The following KAZN variants were observed in gnomAD, a reference collection of about 807,000 sequenced individuals.
The protein encoded by KAZN is kazrin, periplakin interacting protein, also known as kazrin.
A neutral mutation model predicts 87.4 loss-of-function variants in KAZN; 40 were observed. The ratio of observed to expected loss-of-function variants is 0.46; its 90% confidence interval spans 0.36 to 0.60. The LOEUF (loss-of-function observed/expected upper bound fraction) is 0.60. Among genes scored for constraint, KAZN ranks in the 20% least tolerant of loss-of-function variants. The pLI is 0.00. For synonymous variants in KAZN, 466 were observed against 458.3 expected, an observed-to-expected ratio of 1.02 and a Z score of -0.22; for missense variants, 898 against 1,073.9, an observed-to-expected ratio of 0.84 and a Z score of 2.29.
At chr1:14,232,612 A>G (rs4565709) in intron 2 of KAZN, among the ~76,000 whole-genome samples, 45,459 of 151,956 alleles carry the variant, frequency 0.3, 6,933 homozygotes, top group East Asian at 0.47. Flanking sequence ...CTGAGATACA[A>G]TGGTTTCTTC....
chr1:14,256,553 C>A (rs577370668), intron 2 of KAZN, among the ~76,000 whole-genome samples: 1 of 151,848 alleles, frequency 6.6e-6, no homozygotes, highest in Non-Finnish European at 1.5e-5. Flanking sequence ...TTCACCTGTC[C>A]CCTGAGGTCT....
intron 1 of KAZN, among the ~76,000 whole-genome samples, chr1:13,899,915 G>A (rs542182202): frequency 1.6e-4 from 25 of 152,014 alleles, no homozygotes; most frequent in South Asian, 4.2e-4. Flanking sequence ...AAGTGTGCCC[G>A]GCCTATCTTG....
chr1:14,924,705 G>A (rs945906528), intron 1 of KAZN: 2 of 376,386 alleles, frequency 5.3e-6, no homozygotes, highest in Non-Finnish European at 7.4e-6. Flanking sequence ...AGCGCGCGGA[G>A]CCCCGAGCCC....
At chr1:14,072,778 A>G (rs1190758445) in intron 1 of KAZN, among the ~76,000 whole-genome samples, 2 of 152,132 alleles carry the variant, frequency 1.3e-5, no homozygotes, top group East Asian at 3.9e-4. Context: ...TGGAACAATG[A>G]CACCTCCCTC....
chr1:14,329,199 A>G (rs1270831231), intron 2 of KAZN, among the ~76,000 whole-genome samples: 3 of 152,124 alleles, frequency 2.0e-5, no homozygotes, highest in Admixed American at 6.5e-5. Flanking sequence ...AGAAAATGAG[A>G]TGGCCACTAA....
intron 1 of KAZN, among the ~76,000 whole-genome samples, chr1:13,945,223 C>G (rs1026565739): frequency 2.0e-5 from 3 of 151,978 alleles, no homozygotes; most frequent in Non-Finnish European, 4.4e-5. Flanking sequence ...CCTATAATAC[C>G]AGCACTTTGG....
intron 2 of KAZN, among the ~76,000 whole-genome samples, chr1:14,372,490 ATCCCTG>A (rs1660573085): frequency 2.6e-5 from 4 of 152,238 alleles, no homozygotes; most frequent in African/African-American, 4.8e-5. Flanking sequence ...GTCCAGCAGC[ATCCCTG>A]GCTTCTACTC....
intron 2 of KAZN, among the ~76,000 whole-genome samples, chr1:14,448,245 G>T (rs765529200): frequency 1.3e-5 from 2 of 152,206 alleles, no homozygotes; most frequent in African/African-American, 2.4e-5. Context: ...CACACCATTG[G>T]TAACTGGCAG....
At chr1:15,039,307 G>A (rs1672667996) in intron 3 of KAZN, among the ~76,000 whole-genome samples, 1 of 152,168 alleles carries the variant, frequency 6.6e-6, no homozygotes, top group South Asian at 2.1e-4. Context: ...AGGGGTAGAG[G>A]CAGGATGCAA....
intron 1 of KAZN, among the ~76,000 whole-genome samples, chr1:14,780,770 A>G (rs998458485): frequency 2.6e-5 from 4 of 152,232 alleles, no homozygotes; most frequent in African/African-American, 9.7e-5. Flanking sequence ...TTTCCTTCTG[A>G]TATTGTAGGG....
At chr1:13,956,214 G>A (rs978631933) in intron 1 of KAZN, among the ~76,000 whole-genome samples, 15 of 152,068 alleles carry the variant, frequency 9.9e-5, no homozygotes, top group Admixed American at 9.8e-4. Flanking sequence ...AATGTGTACA[G>A]TCTTCAAGTT....
intron 2 of KAZN, among the ~76,000 whole-genome samples, chr1:14,299,804 T>A (rs1277902432): frequency 2.6e-5 from 4 of 152,188 alleles, no homozygotes; most frequent in Non-Finnish European, 4.4e-5. Flanking sequence ...TCACATTTAC[T>A]AAAGTTCATT....
intron 2 of KAZN, among the ~76,000 whole-genome samples, chr1:14,464,513 C>A (rs1668010841): frequency 6.6e-6 from 1 of 151,976 alleles, no homozygotes; most frequent in Non-Finnish European, 1.5e-5. Flanking sequence ...GAGTTTGAGA[C>A]CCCTAGTCTA....
chr1:15,067,220 G>A, intron 8 of KAZN: 1 of 985,522 alleles, frequency 1.0e-6, no homozygotes, highest in Non-Finnish European at 1.2e-6. Context: ...CAGCACCTGA[G>A]CCCTCCACCC....
At chr1:14,238,656 T>G (rs1055929731) in intron 2 of KAZN, among the ~76,000 whole-genome samples, 1 of 152,252 alleles carries the variant, frequency 6.6e-6, no homozygotes, top group African/African-American at 2.4e-5. Context: ...TGGATGCTTA[T>G]TTGCTAAAGC....
chr1:14,233,246 C>T (rs367810091), intron 2 of KAZN, among the ~76,000 whole-genome samples: 36 of 152,308 alleles, frequency 2.4e-4, no homozygotes, highest in South Asian at 1.0e-3. Context: ...ATCCTTCTGC[C>T]TCAGCCTCCC....
At chr1:14,698,738 C>A (rs1323365367) in intron 1 of KAZN, among the ~76,000 whole-genome samples, 1 of 152,218 alleles carries the variant, frequency 6.6e-6, no homozygotes, top group East Asian at 1.9e-4. Flanking sequence ...GTTTCATATC[C>A]CTGCTCCCAG....
intron 1 of KAZN, among the ~76,000 whole-genome samples, chr1:14,076,686 C>T (rs975400492): frequency 1.3e-5 from 2 of 152,194 alleles, no homozygotes; most frequent in South Asian, 4.1e-4. Context: ...TGCATATTAC[C>T]TATGGCTGCT....
At chr1:14,611,080 G>A (rs1334951839) in intron 1 of KAZN, among the ~76,000 whole-genome samples, 1 of 152,146 alleles carries the variant, frequency 6.6e-6, no homozygotes, top group African/African-American at 2.4e-5. Flanking sequence ...CCAAAAGTAT[G>A]GCAGAAAACT....
Sources: allele counts gnomAD v4.1 joint callset (sites outside exome capture counted in the v4.1 genomes callset), GRCh38; gene constraint gnomAD v4.1.1; transcripts MANE v1.5; gene names NCBI Gene and HGNC (gene_info 2026-07-23, HGNC 2026-07-21).